KLHL18: variants seen among roughly 807,000 people sequenced by gnomAD.
The protein encoded by KLHL18 is kelch like family member 18, also known as kelch-like protein 18.
KLHL18 carries 38 observed loss-of-function variants against 58.5 expected under a neutral mutation model. The observed-to-expected ratio is 0.65, with a 90% CI of 0.50 to 0.85. The LOEUF (loss-of-function observed/expected upper bound fraction) is 0.85, where lower values mean the gene tolerates loss of function less well. KLHL18 is among the 40% of genes least tolerant of loss of function. The pLI, the probability that KLHL18 is intolerant of heterozygous loss-of-function variation, is 0.00. For synonymous variants in KLHL18, 303 were observed against 301.9 expected, an observed-to-expected ratio of 1.00 and a Z score of -0.04; for missense variants, 624 against 778.4, an observed-to-expected ratio of 0.80 and a Z score of 2.36.
chr3:47,323,905 C>T (rs1019299124), intron 3 of KLHL18, among the ~76,000 whole-genome samples: 2 of 152,318 alleles, frequency 1.3e-5, no homozygotes, highest in South Asian at 2.1e-4. Flanking sequence ...GGACCACACC[C>T]GCTGTCTGTT....
rs948001840 is a variant in KLHL18 at position 47,308,926 on chromosome 3, A to T, written c.130-10727A>T. Among the ~76,000 whole-genome samples the T allele has an allele frequency of 7.9e-5, 12 of 152,266 alleles. No individual in the cohort carries two copies. In the South Asian group the frequency reaches 2.5e-3, roughly 32 times the overall value. ...GGCAGAGGACCCTGGGGCCTTCCGC[A>T]GTGTTTGTATCCCTGGGTACTTGAG... On this transcript the variant is annotated intron_variant, in intron 1 of 9. Coordinates refer to ENST00000232766, the MANE Select transcript of KLHL18 (RefSeq NM_025010.5).
Position 47,285,558 on chromosome 3 carries a change from G to GA in KLHL18, c.129+2477dup, listed in dbSNP as rs879294096. On this transcript the variant is annotated intron_variant, in intron 1 of 9. Transcript: ENST00000232766. ...ATGGCAAAACCCCGTCTCTATTGGGGAAAAAAAAAAAAAGATTTAGGCTGT... is the reference window on the plus strand; with the variant it reads ...ATGGCAAAACCCCGTCTCTATTGGGGAAAAAAAAAAAAAAGATTTAGGCTGT... Among the ~76,000 whole-genome samples, 228 of 137,230 alleles carry GA rather than the reference G, an allele frequency of 1.7e-3. 2 individuals are homozygous for GA. The highest frequency in any genetic ancestry group is 4.1e-3 in the African/African-American group (154 of 37,300). The allele number at this position is 137,230 out of a possible 152,430, so 90.0% of individuals were successfully genotyped here. A position where few individuals can be genotyped will look rare whatever the true frequency, so the allele number is the denominator to read the frequency against.
intron 1 of KLHL18, among the ~76,000 whole-genome samples, chr3:47,294,456 C>A (rs189381273): frequency 1.1e-4 from 17 of 152,250 alleles, no homozygotes; most frequent in Non-Finnish European, 2.1e-4. Flanking sequence ...AGGAGCCAGC[C>A]TCTCTTAATA....
At chr3:47,303,736 T>A (rs1286523374) in intron 1 of KLHL18, among the ~76,000 whole-genome samples, 1 of 152,136 alleles carries the variant, frequency 6.6e-6, no homozygotes. Context: ...TCATTCCCTT[T>A]TTAAATTGAT....
At chr3:47,336,368 T>G (rs1239311868) in intron 6 of KLHL18, among the ~76,000 whole-genome samples, 167 bp from the exon 7 acceptor site, 1 of 152,246 alleles carries the variant, frequency 6.6e-6, no homozygotes. Context: ...GAATTAGGTT[T>G]GAGGTGATCA....
At position 47,334,805 on chromosome 3, in the gene KLHL18, G is replaced by A. The variant is rs1409717483; in HGVS notation, c.884G>A (p.Gly295Asp). The change falls in exon 6 of 10, where the codon GGC becomes GAC. Residue 295 changes from glycine (G) to aspartate (D), a missense_variant. Gly to Asp is a moderately conservative substitution (Grantham distance 94). Transcript: ENST00000232766. This position sits in a 1 kb window ranked among gnomAD's most constrained non-coding sequence, Gnocchi z 4.7. The part of the protein sequence containing the change: ...SIAGLIYAVG[G>D]LNSAGDSLNV... ...GCTGGACTTATCTACGCTGTAGGGG[G>A]CCTCAACTCAGCAGGTACCTTGCGG... 6.2e-7 allele frequency: 1 copy of A among 1,613,336 alleles called. No homozygotes were observed. The highest frequency in any genetic ancestry group is 8.5e-7 in the Non-Finnish European group (1 of 1,179,682).
Position 47,330,018 on chromosome 3 carries a change from G to A in KLHL18, c.469G>A (p.Asp157Asn), listed in dbSNP as rs200495219. The A allele has an allele frequency of 3.8e-5, 62 of 1,614,086 alleles. No individual in the cohort carries two copies. The East Asian group carries it at 9.6e-4, about 25-fold the overall frequency. The change falls in exon 4 of 10, where the codon GAC becomes AAC. Residue 157 changes from aspartate (D) to asparagine (N), a missense_variant. Physicochemically the swap from Asp to Asn is conservative, Grantham distance 23. Coordinates refer to ENST00000232766, the MANE Select transcript of KLHL18 (RefSeq NM_025010.5). ...GACAATGATGTGTGCTGTGCTGTAC[G>A]ACGCTGCCAACAGCTTCATCCACCA... ...AETMMCAVLY[D>N]AANSFIHQHF...
In KLHL18 at chr3:47,346,145, G is replaced by C. The variant is rs1171863868; in HGVS notation, c.*2204G>C. On this transcript the variant is annotated 3_prime_UTR_variant, in exon 10 of 10. Coordinates refer to ENST00000232766, the MANE Select transcript of KLHL18 (RefSeq NM_025010.5). ...TTGTGAAGGTATTAAGAATCGGTCT[G>C]TGGGCTACTGAGTGGGTCCTTAGGA... 6.6e-6 allele frequency: 1 copy of C among 152,618 alleles called. No homozygotes were observed. The highest frequency in any genetic ancestry group is 1.5e-5 in the Non-Finnish European group (1 of 68,036). 9.5% of individuals were successfully genotyped at this position (152,618 alleles called of 1,614,324 possible).
chr3:47,322,607 C>G lies in KLHL18; in HGVS notation c.300C>G (p.Asn100Lys). 1 of 1,607,230 alleles carries G rather than the reference C, an allele frequency of 6.2e-7. No homozygotes were observed. Among genetic ancestry groups the G allele is most frequent in the Non-Finnish European group, 8.5e-7 (1 of 1,177,276 alleles). Residue 100 changes from asparagine to lysine, a missense_variant, in exon 3 of 10, where the codon AAC (asparagine) becomes AAG (lysine). Asn to Lys is a moderately conservative substitution (Grantham distance 94). Coordinates refer to ENST00000232766, the MANE Select transcript of KLHL18 (RefSeq NM_025010.5). ...TGATCAACTTTGCCTACAACGGCAA[C>G]CTTGCCATTGACCAGCAAAATGTCC... ...EALINFAYNG[N>K]LAIDQQNVQS...
At chr3:47,293,878 G>A (rs1322590209) in intron 1 of KLHL18, among the ~76,000 whole-genome samples, 1 of 152,160 alleles carries the variant, frequency 6.6e-6, no homozygotes, top group Admixed American at 6.5e-5. Context: ...CTCTGGGATT[G>A]TCTTTGGCTC....
rs116956794 is a variant in KLHL18 at position 47,284,778 on chromosome 3, T to C, written c.129+1684T>C. Among the ~76,000 whole-genome samples the C allele has an allele frequency of 2.3e-3, 352 of 152,290 alleles. 8 individuals carry two copies. Among genetic ancestry groups the C allele is most frequent in the East Asian group, 8.5e-3 (44 of 5,178 alleles). On this transcript the variant is annotated intron_variant, in intron 1 of 9. Transcript: ENST00000232766. ...TGGATTAAAATCCTAGTTGTAACCT[T>C]GAGCAAGTTACTTAATCTCTGTAAG... is the stretch of plus-strand genomic sequence containing the variant.
At chr3:47,299,871 A>AC (rs1361234177) in intron 1 of KLHL18, among the ~76,000 whole-genome samples, 2 of 142,634 alleles carry the variant, frequency 1.4e-5, no homozygotes, top group East Asian at 4.2e-4. Context: ...CAAGATAAAA[A>AC]CCCTACCTAA....
chr3:47,331,737 C>CTTTTTTTTT (rs774228257), intron 4 of KLHL18, among the ~76,000 whole-genome samples: 1 of 140,536 alleles, frequency 7.1e-6, no homozygotes, highest in Non-Finnish European at 1.6e-5. Context: ...CAGGCCCGAC[C>CTTTTTTTTT]TTTTTTTTTT....
chr3:47,336,851 C>A, intron 7 of KLHL18, 94 bp downstream of exon 7: 1 of 1,010,300 alleles, frequency 9.9e-7, no homozygotes, highest in Non-Finnish European at 1.5e-6. Context: ...GAGTAAAATA[C>A]AAGCTTTGGC....
chr3:47,314,786 T>G (rs1033109752), intron 1 of KLHL18, among the ~76,000 whole-genome samples: 1 of 152,250 alleles, frequency 6.6e-6, no homozygotes, highest in African/African-American at 2.4e-5. Flanking sequence ...CTATTCCTTA[T>G]AAGATGTAGC....
At chr3:47,305,334 G>GTTTTTTTTTTTT (rs397744565) in intron 1 of KLHL18, among the ~76,000 whole-genome samples, 1 of 70,388 alleles carries the variant, frequency 1.4e-5, no homozygotes, top group Non-Finnish European at 2.7e-5. Context: ...ATTTTGTCAA[G>GTTTTTTTTTTTT]TTTTTTTTTT....
At chr3:47,299,867 A>T (rs1702976509) in intron 1 of KLHL18, among the ~76,000 whole-genome samples, 1 of 151,284 alleles carries the variant, frequency 6.6e-6, no homozygotes, top group Non-Finnish European at 1.5e-5. Context: ...ATTGCAAGAT[A>T]AAAACCCTAC....
intron 1 of KLHL18, among the ~76,000 whole-genome samples, chr3:47,298,204 A>AC (rs1242405912): frequency 1.3e-5 from 2 of 151,902 alleles, no homozygotes; most frequent in Non-Finnish European, 2.9e-5. Context: ...ACAAAGTGAG[A>AC]CCCCATCTCT....
chr3:47,340,335 T>C (rs1704080492), intron 7 of KLHL18, among the ~76,000 whole-genome samples: 1 of 152,110 alleles, frequency 6.6e-6, no homozygotes, highest in African/African-American at 2.4e-5. Flanking sequence ...GTAAGCATTT[T>C]AGAAAGATTA....
Sources: allele counts gnomAD v4.1 joint callset (sites outside exome capture counted in the v4.1 genomes callset), GRCh38; gene constraint gnomAD v4.1.1; non-coding constraint Gnocchi (gnomAD v3.1); transcripts MANE v1.5; gene names NCBI Gene and HGNC (gene_info 2026-07-23, HGNC 2026-07-21).